Variants in BMPR1A observed in about 807,000 individuals in gnomAD.
BMPR1A encodes bone morphogenetic protein receptor type-1A.
BMPR1A carries 7 observed loss-of-function variants against 66.0 expected under a neutral mutation model. The ratio of observed to expected loss-of-function variants is 0.11; its 90% CI spans 0.06 to 0.20. The LOEUF is 0.20. Ranked by LOEUF, BMPR1A falls within the 10% of genes least tolerant of loss-of-function variation. BMPR1A has a pLI of 1.00. For synonymous variants in BMPR1A, 200 were observed against 229.7 expected (o/e 0.87, Z 1.17); for missense variants, 408 against 669.1 (o/e 0.61, Z 4.31).
At position 86,756,858 on chromosome 10, in the gene BMPR1A, G is replaced by T. The variant is rs1179300389; in HGVS notation, c.-329G>T. The T allele has an allele frequency of 6.6e-6, 1 of 151,874 alleles. No homozygotes were observed. 9.4% of individuals were successfully genotyped at this position (151,874 alleles called of 1,614,324 possible). On this transcript the variant is annotated 5_prime_UTR_variant, in exon 1 of 13. Transcript: ENST00000372037. ...CCGATTCGGGCCCCACTTCGCCCCGGCGGCTCGCCGCGCCCACCCGCTCCG... is the reference window on the plus strand; with the variant it reads ...CCGATTCGGGCCCCACTTCGCCCCGTCGGCTCGCCGCGCCCACCCGCTCCG...
intron 5 of BMPR1A, among the ~76,000 whole-genome samples, chr10:86,898,938 T>C (rs1267781575): frequency 6.6e-6 from 1 of 152,232 alleles, no homozygotes; most frequent in African/African-American, 2.4e-5. Context: ...ATATAAAATA[T>C]GTATTTGGAC....
chr10:86,842,456 A>G (rs560540480), intron 2 of BMPR1A, among the ~76,000 whole-genome samples: 3 of 152,250 alleles, frequency 2.0e-5, no homozygotes, highest in African/African-American at 7.2e-5. Context: ...TAATTTTTGT[A>G]TGGCTTGAAT....
intron 1 of BMPR1A, among the ~76,000 whole-genome samples, chr10:86,825,534 T>C (rs1390131061): frequency 6.6e-6 from 1 of 151,738 alleles, no homozygotes; most frequent in Non-Finnish European, 1.5e-5. Context: ...TAGAGTATAG[T>C]GATGCAATGA....
chr10:86,855,777 T>C lies in BMPR1A; in HGVS notation c.-153+16798T>C, dbSNP rs969109557. ...ATGCTTTTTTGGTGCAGCTGTCGTC[T>C]AATACTTGTTGAATTTGGTCTGTTT... On this transcript the variant is annotated intron_variant, in intron 2 of 12. Coordinates refer to ENST00000372037, the MANE Select transcript of BMPR1A (RefSeq NM_004329.3). The C allele has an allele frequency of 8.6e-5, 98 of 1,141,352 alleles. No homozygotes were observed. The African/African-American group carries it at 1.3e-3, about 16-fold the overall frequency. The allele number at this position is 1,141,352 out of a possible 1,614,324, so 70.7% of individuals were successfully genotyped here. A position where few individuals can be genotyped will look rare whatever the true frequency, so the allele number is the denominator to read the frequency against.
intron 7 of BMPR1A, among the ~76,000 whole-genome samples, chr10:86,908,248 A>T (rs1250926563): frequency 1.3e-5 from 2 of 152,210 alleles, no homozygotes; most frequent in Non-Finnish European, 2.9e-5. Flanking sequence ...ATTTGAGGTG[A>T]TGGCTATCCC....
At chr10:86,857,326 C>T (rs1035587079) in intron 2 of BMPR1A, among the ~76,000 whole-genome samples, 3 of 152,094 alleles carry the variant, frequency 2.0e-5, no homozygotes, top group African/African-American at 7.2e-5. Context: ...AAAGGCATTC[C>T]TACTACCAAG....
chr10:86,928,246 G>A (rs1307701188), downstream of BMPR1A: 1 of 142,372 alleles, frequency 7.0e-6, no homozygotes, highest in Non-Finnish European at 1.5e-5. Context: ...TTTTGAGACG[G>A]AGTTTTGCTC....
intron 7 of BMPR1A, among the ~76,000 whole-genome samples, chr10:86,900,979 A>G (rs1676891472): frequency 1.3e-5 from 2 of 152,248 alleles, no homozygotes; most frequent in Admixed American, 6.5e-5. Context: ...CTGTGTGACA[A>G]ATAGGATATG....
chr10:86,890,053 T>C lies in BMPR1A; in HGVS notation c.68-9T>C. ...ATGATTTACTTACAAATTCCATATT[T>C]GAATGCAGGACAGAATCTGGATAGT... is the stretch of plus-strand genomic sequence containing the variant. On this transcript the variant is annotated splice_polypyrimidine_tract_variant and intron_variant, in intron 3 of 12. Coordinates refer to ENST00000372037, the MANE Select transcript of BMPR1A (RefSeq NM_004329.3). The C allele has an allele frequency of 6.2e-7, 1 of 1,612,348 alleles. No individual in the cohort carries two copies. The highest frequency in any genetic ancestry group is 8.5e-7 in the Non-Finnish European group (1 of 1,179,860).
intron 1 of BMPR1A, among the ~76,000 whole-genome samples, chr10:86,785,997 CCGT>C (rs1163371193): frequency 6.6e-6 from 1 of 152,214 alleles, no homozygotes; most frequent in African/African-American, 2.4e-5. Flanking sequence ...GTCACTTTCA[CCGT>C]CTTTAGCACA....
intron 7 of BMPR1A, among the ~76,000 whole-genome samples, chr10:86,901,945 G>T (rs771001377): frequency 7.9e-5 from 12 of 151,918 alleles, no homozygotes; most frequent in Non-Finnish European, 1.8e-4. Context: ...TGCAATCTCT[G>T]CCTCCCAGGT....
At chr10:86,766,617 C>T (rs1490073661) in intron 1 of BMPR1A, among the ~76,000 whole-genome samples, 10 of 131,294 alleles carry the variant, frequency 7.6e-5, no homozygotes, top group African/African-American at 1.3e-4. Context: ...TCATATCAGT[C>T]TTTTTTTTTT....
intron 1 of BMPR1A, among the ~76,000 whole-genome samples, chr10:86,798,968 T>G (rs1337932036): frequency 6.6e-6 from 1 of 152,220 alleles, no homozygotes; most frequent in East Asian, 1.9e-4. Context: ...TTGCAAGACT[T>G]TGTTTTTAGA....
chr10:86,767,114 G>A (rs553897524), intron 1 of BMPR1A, among the ~76,000 whole-genome samples: 7 of 152,236 alleles, frequency 4.6e-5, no homozygotes, highest in Admixed American at 2.6e-4. Context: ...GAGGCACCAC[G>A]CCCGGCCATA....
At position 86,927,207 on chromosome 10, in the gene BMPR1A, C is replaced by A. The variant is rs1843758662; in HGVS notation, c.*3488C>A. 1.1e-5 allele frequency: 2 copies of A among 188,948 alleles called. No individual in the cohort carries two copies. 11.7% of individuals were successfully genotyped at this position (188,948 alleles called of 1,614,324 possible). ...GCACTATAGTTTTTAAAGAATCATG[C>A]ATCTTTGGGTTGGCCCAGGATCAAA... On this transcript the variant is annotated 3_prime_UTR_variant, in exon 13 of 13. Coordinates refer to ENST00000372037, the MANE Select transcript of BMPR1A (RefSeq NM_004329.3).
chr10:86,816,357 T>A (rs936004536), intron 1 of BMPR1A, among the ~76,000 whole-genome samples: 3 of 152,222 alleles, frequency 2.0e-5, no homozygotes, highest in African/African-American at 7.2e-5. Context: ...ATGAAGCTGC[T>A]TAGAAAATTT....
chr10:86,800,416 C>T (rs1045879072), intron 1 of BMPR1A, among the ~76,000 whole-genome samples: 4 of 152,090 alleles, frequency 2.6e-5, no homozygotes, highest in East Asian at 1.9e-4. Context: ...TTTTGTGAGA[C>T]GGAGTTTCGC....
At chr10:86,870,263 G>T (rs1356133744) in intron 2 of BMPR1A, among the ~76,000 whole-genome samples, 1 of 152,080 alleles carries the variant, frequency 6.6e-6, no homozygotes, top group East Asian at 1.9e-4. Flanking sequence ...TTCCCTTTGG[G>T]TAATCTCAGA....
chr10:86,757,387 C>T lies in BMPR1A; in HGVS notation c.-268+468C>T, dbSNP rs116909934. On this transcript the variant is annotated intron_variant, in intron 1 of 12. Coordinates refer to ENST00000372037, the MANE Select transcript of BMPR1A (RefSeq NM_004329.3). ...CCCCCGAGTCCCCGCGGGAAGGGGC[C>T]CTGGCCCCCGAGCTCCCGGAGCTGC... Among the ~76,000 whole-genome samples, 384 of 152,288 alleles carry T rather than the reference C, an allele frequency of 2.5e-3. 2 individuals are homozygous for T. The highest frequency in any genetic ancestry group is 3.8e-3 in the Non-Finnish European group (257 of 68,018).
Sources: gnomAD v4.1 joint callset for allele counts (sites outside exome capture counted in the v4.1 genomes callset) on GRCh38, gnomAD v4.1.1 for gene constraint, MANE v1.5 for transcripts, NCBI Gene and HGNC (gene_info 2026-07-23, HGNC 2026-07-21) for gene names.